Variants in PTPRG observed in about 807,000 individuals in gnomAD.
PTPRG encodes receptor-type tyrosine-protein phosphatase gamma.
PTPRG carries 102 observed loss-of-function variants against 165.3 expected under a neutral mutation model. The observed-to-expected ratio is 0.62, with a 90% CI of 0.53 to 0.73. The LOEUF (loss-of-function observed/expected upper bound fraction) is 0.73, where lower values mean the gene tolerates loss of function less well. Ranked by LOEUF, PTPRG falls within the 30% of genes least tolerant of loss-of-function variation. The pLI, the probability that PTPRG is intolerant of heterozygous loss-of-function variation, is 0.00. For missense variants in PTPRG, 1,866 were observed against 1,861.4 expected (o/e 1.00, Z -0.05); for synonymous variants, 675 against 669.5 (o/e 1.01, Z -0.13).
At chr3:62,275,990 A>G (rs1339020540) in intron 24 of PTPRG, 24 bp downstream of exon 24, 2 of 1,541,118 alleles carry the variant, frequency 1.3e-6, no homozygotes, top group Non-Finnish European at 1.8e-6. Flanking sequence ...ACAGTTTGTT[A>G]GTGATCTTTT....
intron 23 of PTPRG, among the ~76,000 whole-genome samples, chr3:62,275,574 G>C (rs2148879229): frequency 6.6e-6 from 1 of 152,292 alleles, no homozygotes; most frequent in South Asian, 2.1e-4. Context: ...AGCAGCCTGG[G>C]AAACACAGGA....
At chr3:61,872,203 A>G (rs948043474) in intron 2 of PTPRG, among the ~76,000 whole-genome samples, 8 of 152,184 alleles carry the variant, frequency 5.3e-5, no homozygotes, top group African/African-American at 9.7e-5. Context: ...TACTGTTTGA[A>G]AGACAATAAG....
intron 1 of PTPRG, among the ~76,000 whole-genome samples, chr3:61,624,604 G>C (rs1375852670): frequency 6.6e-6 from 1 of 152,148 alleles, no homozygotes; most frequent in Non-Finnish European, 1.5e-5. Flanking sequence ...CTTGTTATAT[G>C]AAAGAAAATT....
intron 2 of PTPRG, among the ~76,000 whole-genome samples, chr3:61,853,635 C>A (rs764678602): frequency 5.3e-5 from 8 of 152,228 alleles, no homozygotes; most frequent in South Asian, 2.1e-4. Context: ...TGCTACATTC[C>A]TGACCTATAG....
chr3:62,265,483 G>A (rs188168636), intron 17 of PTPRG, among the ~76,000 whole-genome samples: 7 of 152,152 alleles, frequency 4.6e-5, no homozygotes, highest in African/African-American at 1.2e-4. Flanking sequence ...TGCTGAATCC[G>A]TCTTTTCTAG....
intron 1 of PTPRG, among the ~76,000 whole-genome samples, chr3:61,716,614 C>A (rs1391645393): frequency 6.6e-6 from 1 of 152,168 alleles, no homozygotes; most frequent in Non-Finnish European, 1.5e-5. Context: ...GAAGTCACAG[C>A]ATTTTAGGGC....
intron 1 of PTPRG, among the ~76,000 whole-genome samples, chr3:61,564,708 C>A (rs1699863616): frequency 6.6e-6 from 1 of 152,190 alleles, no homozygotes; most frequent in African/African-American, 2.4e-5. Flanking sequence ...GCCGCGACGC[C>A]GCTGGACCTC....
intron 1 of PTPRG, among the ~76,000 whole-genome samples, chr3:61,591,891 C>T (rs79076048): frequency 0.038 from 5,763 of 152,182 alleles, 131 homozygotes; most frequent in East Asian, 0.07. Flanking sequence ...CCCCAAGGAT[C>T]CTTAAGAATT....
chr3:61,962,218 C>CTG (rs1469718040), intron 2 of PTPRG, among the ~76,000 whole-genome samples: 1 of 152,142 alleles, frequency 6.6e-6, no homozygotes. Flanking sequence ...CTGTTGACAG[C>CTG]TGTGTTGACT....
intron 1 of PTPRG, among the ~76,000 whole-genome samples, chr3:61,602,284 G>A (rs531798215): frequency 5.3e-5 from 8 of 152,140 alleles, no homozygotes; most frequent in Admixed American, 3.9e-4. Flanking sequence ...GCTTACATGT[G>A]TTGATTAAAC....
chr3:61,971,597 T>A (rs2040385632), intron 2 of PTPRG, among the ~76,000 whole-genome samples: 1 of 152,196 alleles, frequency 6.6e-6, no homozygotes, highest in Admixed American at 6.5e-5. Flanking sequence ...CATGAGCAAG[T>A]TGCTTCAAAA....
At chr3:61,943,062 G>C (rs1349746795) in intron 2 of PTPRG, among the ~76,000 whole-genome samples, 1 of 152,166 alleles carries the variant, frequency 6.6e-6, no homozygotes, top group Non-Finnish European at 1.5e-5. Context: ...TCATTATAAA[G>C]TTCAAGTGAA....
chr3:61,725,818 A>T (rs1223094929), intron 1 of PTPRG, among the ~76,000 whole-genome samples: 1 of 151,042 alleles, frequency 6.6e-6, no homozygotes, highest in Admixed American at 6.6e-5. Context: ...CCTGAGGGCC[A>T]GTTCTAACGG....
At chr3:61,786,933 G>T (rs1220760692) in intron 2 of PTPRG, among the ~76,000 whole-genome samples, 1 of 152,110 alleles carries the variant, frequency 6.6e-6, no homozygotes, top group Non-Finnish European at 1.5e-5. Context: ...TTATCACCAT[G>T]ATCTCCCATG....
At chr3:62,103,328 C>G (rs1475824074) in intron 5 of PTPRG, among the ~76,000 whole-genome samples, 1 of 137,026 alleles carries the variant, frequency 7.3e-6, no homozygotes, top group South Asian at 2.3e-4. Flanking sequence ...GAAATACTCT[C>G]AACCCTCACC....
rs559826348 is a variant in PTPRG at position 62,104,603 on chromosome 3, G to T, written c.615+26345G>T. The stretch of plus-strand genomic sequence containing the variant: ...TATTTCGTAGCAATTTCAGTGTCCA[G>T]TGGAGAAATGTAGACTAGTATTTGT... On this transcript the variant is annotated intron_variant, in intron 5 of 29. Transcript: ENST00000474889. 4.6e-5 allele frequency among the ~76,000 whole-genome samples: 7 copies of T among 152,332 alleles called. No homozygotes were observed. In the South Asian group the frequency reaches 1.2e-3, roughly 27 times the overall value.
chr3:62,038,504 C>A (rs963185341), intron 4 of PTPRG, among the ~76,000 whole-genome samples: 5 of 152,076 alleles, frequency 3.3e-5, no homozygotes. Flanking sequence ...CTCAAGCTAT[C>A]CTCCCACCTC....
intron 1 of PTPRG, among the ~76,000 whole-genome samples, chr3:61,679,965 C>G (rs1330921803): frequency 6.6e-6 from 1 of 152,172 alleles, no homozygotes; most frequent in Non-Finnish European, 1.5e-5. Context: ...TGCCCCGCTA[C>G]TGGAACATTT....
intron 2 of PTPRG, among the ~76,000 whole-genome samples, chr3:61,940,306 T>C: frequency 6.6e-6 from 1 of 152,180 alleles, no homozygotes; most frequent in South Asian, 2.1e-4. Context: ...TCTTTAACTT[T>C]AAATGAAAAA....
Sources: gnomAD v4.1 joint callset for allele counts (sites outside exome capture counted in the v4.1 genomes callset) on GRCh38, gnomAD v4.1.1 for gene constraint, MANE v1.5 for transcripts, NCBI Gene and HGNC (gene_info 2026-07-23, HGNC 2026-07-21) for gene names.